The following TMEM132B variants were observed in gnomAD, a reference collection of about 807,000 sequenced individuals.
The protein encoded by TMEM132B is transmembrane protein 132B.
A neutral mutation model predicts 90.8 loss-of-function variants in TMEM132B; 18 were observed. The ratio of observed to expected loss-of-function variants is 0.20; its 90% CI spans 0.14 to 0.29. The LOEUF is 0.29. TMEM132B is among the 10% of genes least tolerant of loss of function. TMEM132B has a pLI of 1.00. For missense variants in TMEM132B, 1,096 were observed against 1,326.8 expected (o/e 0.83, Z 2.70); for synonymous variants, 504 against 523.3 (o/e 0.96, Z 0.50).
At chr12:125,422,721 C>A (rs577228282) in intron 3 of TMEM132B, among the ~76,000 whole-genome samples, 1 of 152,244 alleles carries the variant, frequency 6.6e-6, no homozygotes, top group African/African-American at 2.4e-5. Context: ...GTGACAGAGA[C>A]AGGGATGCGA....
chr12:125,537,689 G>A (rs1012585258), intron 4 of TMEM132B, among the ~76,000 whole-genome samples: 2 of 152,210 alleles, frequency 1.3e-5, no homozygotes, highest in African/African-American at 2.4e-5. Flanking sequence ...TCCTGTTCTT[G>A]TCTTGGCCAG....
intron 5 of TMEM132B, among the ~76,000 whole-genome samples, chr12:125,641,691 G>A (rs1399583090): frequency 6.6e-6 from 1 of 152,216 alleles, no homozygotes; most frequent in East Asian, 1.9e-4. Context: ...CCGAAAGGAT[G>A]CAGACAGTTA....
intron 1 of TMEM132B, among the ~76,000 whole-genome samples, chr12:125,236,664 G>A (rs922902386): frequency 6.6e-6 from 1 of 152,188 alleles, no homozygotes; most frequent in African/African-American, 2.4e-5. Flanking sequence ...TGGTTCCCCA[G>A]GCCAGCTGCA....
At chr12:125,594,543 A>G (rs1885393982) in intron 5 of TMEM132B, among the ~76,000 whole-genome samples, 1 of 152,210 alleles carries the variant, frequency 6.6e-6, no homozygotes, top group Admixed American at 6.5e-5. Context: ...GCCAGCACTT[A>G]GTATGATCAG....
chr12:125,522,377 T>C (rs1883330078), intron 4 of TMEM132B, among the ~76,000 whole-genome samples: 1 of 151,992 alleles, frequency 6.6e-6, no homozygotes, highest in Non-Finnish European at 1.5e-5. Flanking sequence ...TAGTGAGGGA[T>C]TGGTTAGTTA....
intron 1 of TMEM132B, among the ~76,000 whole-genome samples, chr12:125,268,343 G>A (rs766317062): frequency 1.2e-4 from 19 of 152,240 alleles, no homozygotes; most frequent in Admixed American, 2.0e-4. Flanking sequence ...GATTGTACCT[G>A]TGCAGATTAA....
In TMEM132B at chr12:125,350,022, C is replaced by T; in HGVS notation, c.638C>T (p.Ala213Val). ...CTGGAACCAGAGGAGGAGATCCCAG[C>T]CCTGCTCGGGGGCACCACGATGGAG... Reference protein sequence around the residue: ...LDLEPEEEIPALLGGTTMELF... With the variant: ...LDLEPEEEIPVLLGGTTMELF... The change falls in exon 2 of 9, where the codon GCC (alanine) becomes GTC (valine). Residue 213 changes from alanine to valine, a missense_variant. Coordinates refer to ENST00000682704, the MANE Select transcript of TMEM132B (RefSeq NM_001366854.1). 1 of 1,614,194 alleles carries T rather than the reference C, an allele frequency of 6.2e-7. No individual in the cohort carries two copies. The highest frequency in any genetic ancestry group is 8.5e-7 in the Non-Finnish European group (1 of 1,180,032).
rs565581446 is a variant in TMEM132B, at chr12:125,414,221, A to G, written c.960-1310A>G. ...GTTGTTGATTTTGTAGGAATACTTTATATACGCTGAATGCTAGGCCCTTAT... is the reference window on the plus strand; with the variant it reads ...GTTGTTGATTTTGTAGGAATACTTTGTATACGCTGAATGCTAGGCCCTTAT... On this transcript the variant is annotated intron_variant, in intron 2 of 8. Transcript: ENST00000682704. Among the ~76,000 whole-genome samples, 5 of 152,332 alleles carry G rather than the reference A, an allele frequency of 3.3e-5. No individual in the cohort carries two copies. In the East Asian group the frequency reaches 9.6e-4, roughly 29 times the overall value.
intron 1 of TMEM132B, among the ~76,000 whole-genome samples, chr12:125,340,263 C>T (rs1877135520): frequency 6.6e-6 from 1 of 152,098 alleles, no homozygotes; most frequent in African/African-American, 2.4e-5. Flanking sequence ...TGACACAAAG[C>T]ATTCGAATTC....
intron 4 of TMEM132B, among the ~76,000 whole-genome samples, chr12:125,551,589 C>CTT (rs76556540): frequency 8.7e-4 from 126 of 144,038 alleles, no homozygotes; most frequent in Non-Finnish European, 1.5e-3. Context: ...CCACATCTAT[C>CTT]TTTTTTTTTT....
At chr12:125,633,189 T>G (rs1479147423) in intron 5 of TMEM132B, among the ~76,000 whole-genome samples, 1 of 152,240 alleles carries the variant, frequency 6.6e-6, no homozygotes, top group Admixed American at 6.5e-5. Flanking sequence ...TTGAATCTCC[T>G]TGTTCAATTC....
intron 1 of TMEM132B, among the ~76,000 whole-genome samples, chr12:125,250,775 G>A (rs1874299933): frequency 6.6e-6 from 1 of 152,230 alleles, no homozygotes. Flanking sequence ...AGCAAGCACA[G>A]CGATTTATGT....
chr12:125,430,897 G>A (rs11058165), intron 3 of TMEM132B, among the ~76,000 whole-genome samples: 5,033 of 152,256 alleles, frequency 0.033, 281 homozygotes, highest in African/African-American at 0.11. Context: ...GTCAGGGAGG[G>A]CCTCTCTGAC....
chr12:125,234,600 C>T (rs186455261), intron 1 of TMEM132B, among the ~76,000 whole-genome samples: 10 of 152,282 alleles, frequency 6.6e-5, no homozygotes, highest in African/African-American at 2.4e-4. Context: ...GAGCCTTGCT[C>T]AGGGATCTGT....
intron 5 of TMEM132B, among the ~76,000 whole-genome samples, chr12:125,591,974 T>G (rs1301749018): frequency 1.3e-5 from 2 of 152,280 alleles, no homozygotes; most frequent in East Asian, 1.9e-4. Flanking sequence ...TATCTTTTTT[T>G]GGGGCCACAA....
At chr12:125,641,430 G>A (rs1389088549) in intron 5 of TMEM132B, among the ~76,000 whole-genome samples, 1 of 152,052 alleles carries the variant, frequency 6.6e-6, no homozygotes, top group Non-Finnish European at 1.5e-5. Flanking sequence ...TCCTTTGTAC[G>A]TTGTTAGATA....
At chr12:125,513,369 C>T (rs1883030714) in intron 3 of TMEM132B, among the ~76,000 whole-genome samples, 1 of 151,964 alleles carries the variant, frequency 6.6e-6, no homozygotes, top group Non-Finnish European at 1.5e-5. Context: ...TGAGAGACAG[C>T]GAGAGCGTGC....
At chr12:125,429,204 C>CT (rs1290390320) in intron 3 of TMEM132B, among the ~76,000 whole-genome samples, 102 of 143,142 alleles carry the variant, frequency 7.1e-4, no homozygotes, top group Middle Eastern at 3.6e-3. Flanking sequence ...TGTCCTCTTT[C>CT]TTTTTTTTTT....
At chr12:125,505,646 T>A (rs1882827249) in intron 3 of TMEM132B, among the ~76,000 whole-genome samples, 1 of 150,224 alleles carries the variant, frequency 6.7e-6, no homozygotes. Flanking sequence ...TGCAGTGAAC[T>A]GAGATCACAC....
Sources: gnomAD v4.1 joint callset for allele counts (sites outside exome capture counted in the v4.1 genomes callset) on GRCh38, gnomAD v4.1.1 for gene constraint, MANE v1.5 for transcripts, NCBI Gene and HGNC (gene_info 2026-07-23, HGNC 2026-07-21) for gene names.